STARD8: variants seen among roughly 807,000 people sequenced by gnomAD.
STARD8 encodes the protein StAR related lipid transfer domain containing 8.
In STARD8, 25 loss-of-function variants were observed where a neutral mutation model predicts 69.4. That is an observed-to-expected ratio of 0.36 (90% confidence interval 0.26 to 0.50). The LOEUF is 0.50. STARD8 is among the 20% of genes least tolerant of loss of function. The probability of loss-of-function intolerance (pLI) is 0.96; values close to 1 mark genes in which losing one functional copy is unlikely to be tolerated. For synonymous variants in STARD8, 389 were observed against 374.6 expected, an observed-to-expected ratio of 1.04 and a Z score of -0.45; for missense variants, 921 against 932.5, an observed-to-expected ratio of 0.99 and a Z score of 0.16.
intron 2 of STARD8, among the ~76,000 whole-genome samples, chrX:68,687,630 A>G (rs780949179): frequency 7.1e-5 from 8 of 112,287 alleles, no homozygotes; most frequent in African/African-American, 2.3e-4. Context: ...GATTGTACTT[A>G]TGGGGACACT....
chrX:68,708,271 G>GA (rs1269624145), intron 2 of STARD8, among the ~76,000 whole-genome samples: 1 of 112,240 alleles, frequency 8.9e-6, no homozygotes, highest in Non-Finnish European at 1.9e-5. Context: ...GGCTTGATTA[G>GA]AAAAAAGCTT....
intron 2 of STARD8, among the ~76,000 whole-genome samples, chrX:68,701,376 C>G (rs2079964839): frequency 8.9e-6 from 1 of 112,880 alleles, no homozygotes. Flanking sequence ...CTGACTCCAC[C>G]TCCTGACATC....
At chrX:68,661,849 T>A (rs12838180) in intron 1 of STARD8, among the ~76,000 whole-genome samples, 1 of 108,940 alleles carries the variant, frequency 9.2e-6, no homozygotes, top group East Asian at 2.9e-4. Flanking sequence ...CTAACTCTGG[T>A]CTCCCTTTGT....
intron 1 of STARD8, among the ~76,000 whole-genome samples, chrX:68,658,563 C>T (rs1367980920): frequency 8.9e-6 from 1 of 112,221 alleles, no homozygotes; most frequent in Non-Finnish European, 1.9e-5. Flanking sequence ...TAAAGTCCCT[C>T]GGGAGGAGAG....
chrX:68,714,582 T>C (rs926627985), intron 3 of STARD8, among the ~76,000 whole-genome samples: 6 of 112,554 alleles, frequency 5.3e-5, no homozygotes, highest in African/African-American at 1.6e-4. Context: ...TTTTAAGTAC[T>C]GTTGCTTATC....
At chrX:68,714,939 A>G (rs1231570257) in intron 3 of STARD8, among the ~76,000 whole-genome samples, 2 of 110,831 alleles carry the variant, frequency 1.8e-5, no homozygotes, top group African/African-American at 6.6e-5. Context: ...CCCCAAGTTC[A>G]CCTTGGGCCA....
intron 2 of STARD8, among the ~76,000 whole-genome samples, chrX:68,710,141 G>A (rs961679192): frequency 8.9e-6 from 1 of 112,168 alleles, no homozygotes; most frequent in African/African-American, 3.2e-5. Flanking sequence ...GAAAAGATCA[G>A]GGTTATAGTC....
chrX:68,721,060 G>A lies in STARD8; in HGVS notation c.2186G>A (p.Arg729Gln), dbSNP rs201403062. 1.2e-5 allele frequency: 14 copies of A among 1,211,737 alleles called. No individual in the cohort carries two copies. Among genetic ancestry groups the A allele is most frequent in the Non-Finnish European group, 1.6e-5 (14 of 895,569 alleles). Reference protein sequence around the residue: ...DVADLLKQYFRDLPEPIFTSK... With the variant: ...DVADLLKQYFQDLPEPIFTSK... The stretch of plus-strand genomic sequence containing the variant: ...GCTGACCTGCTAAAGCAGTATTTCC[G>A]GGACCTGCCTGAGCCCATCTTCACC... Residue 729 changes from arginine (R) to glutamine (Q), a missense_variant, in exon 9 of 15, where the codon CGG becomes CAG. Arg to Gln is a conservative substitution (Grantham distance 43). Transcript: ENST00000374599.
At chrX:68,649,127 G>A (rs1158471737) in intron 1 of STARD8, among the ~76,000 whole-genome samples, 2 of 111,967 alleles carry the variant, frequency 1.8e-5, no homozygotes, top group African/African-American at 3.3e-5. Flanking sequence ...GGACCTTTGG[G>A]AAGGAAAGAT....
chrX:68,708,489 T>G (rs1330181767), intron 2 of STARD8, among the ~76,000 whole-genome samples: 1 of 112,242 alleles, frequency 8.9e-6, no homozygotes, highest in African/African-American at 3.2e-5. Context: ...GTGCAGATAC[T>G]GTCATTGACC....
At chrX:68,671,351 A>G (rs113128428) in intron 2 of STARD8, among the ~76,000 whole-genome samples, 3,108 of 112,106 alleles carry the variant, frequency 0.028, 120 homozygotes, top group African/African-American at 0.096. Flanking sequence ...CATCTTGTCC[A>G]TAGCTATTAC....
chrX:68,706,812 G>A (rs1569367082), intron 2 of STARD8, among the ~76,000 whole-genome samples: 1 of 113,278 alleles, frequency 8.8e-6, no homozygotes, highest in Non-Finnish European at 1.9e-5. Flanking sequence ...CTGCCAAAAG[G>A]CCAGCACCTT....
intron 2 of STARD8, among the ~76,000 whole-genome samples, chrX:68,707,193 A>C (rs1391925149): frequency 8.9e-6 from 1 of 112,721 alleles, no homozygotes; most frequent in Non-Finnish European, 1.9e-5. Flanking sequence ...ATGCTTTTCC[A>C]AATAGGAAGC....
At chrX:68,654,956 G>A (rs950972596) in intron 1 of STARD8, among the ~76,000 whole-genome samples, 1 of 112,011 alleles carries the variant, frequency 8.9e-6, no homozygotes, top group Admixed American at 9.4e-5. Context: ...CTTTGCCCTT[G>A]TCATCCCAAG....
At chrX:68,678,452 T>C (rs1443709089) in intron 2 of STARD8, among the ~76,000 whole-genome samples, 12 of 111,897 alleles carry the variant, frequency 1.1e-4, no homozygotes, top group Non-Finnish European at 1.9e-5. Context: ...AGCAAATCAG[T>C]AGAGTCCTGT....
At position 68,712,937 on chromosome X, in the gene STARD8, G is replaced by A. The variant is rs202238893; in HGVS notation, c.103G>A (p.Glu35Lys). The change falls in exon 3 of 15, where the codon GAG becomes AAG. Residue 35 changes from glutamate to lysine, a missense_variant. Glu to Lys is a moderately conservative substitution (Grantham distance 56). Coordinates refer to ENST00000374599, the MANE Select transcript of STARD8 (RefSeq NM_001142503.3). ...AGAAGCCGAGGCCAAAAGAGCATGT[G>A]AGTGGCTTCAAGCAACAGGATTCCC... ...NAEAEAKRACEWLQATGFPQY... is the reference protein window; with the variant it reads ...NAEAEAKRACKWLQATGFPQY... 104 of 1,205,478 alleles carry A rather than the reference G, an allele frequency of 8.6e-5. No homozygotes were observed. Among genetic ancestry groups the A allele is most frequent in the Non-Finnish European group, 9.7e-5 (87 of 892,868 alleles).
chrX:68,690,355 A>T (rs2079867273), intron 2 of STARD8, among the ~76,000 whole-genome samples: 1 of 108,875 alleles, frequency 9.2e-6, no homozygotes, highest in African/African-American at 3.4e-5. Flanking sequence ...TTCCTTTTGG[A>T]TATTAACCTA....
intron 1 of STARD8, among the ~76,000 whole-genome samples, chrX:68,653,267 A>C (rs1602535912): frequency 3.3e-5 from 2 of 61,131 alleles, no homozygotes; most frequent in Non-Finnish European, 3.0e-5. Context: ...CACACACACC[A>C]CACACCACAC....
chrX:68,707,255 G>A (rs1602596202), intron 2 of STARD8, among the ~76,000 whole-genome samples: 1 of 112,316 alleles, frequency 8.9e-6, no homozygotes, highest in East Asian at 2.8e-4. Flanking sequence ...TAAGGAGCAG[G>A]TCAGCTAACT....
Sources: gnomAD v4.1 joint callset for allele counts (sites outside exome capture counted in the v4.1 genomes callset) on GRCh38, gnomAD v4.1.1 for gene constraint, MANE v1.5 for transcripts, NCBI Gene and HGNC (gene_info 2026-07-23, HGNC 2026-07-21) for gene names.